The following TAFA3 variants were observed in gnomAD, a reference collection of about 807,000 sequenced individuals.
The protein encoded by TAFA3 is TAFA chemokine like family member 3, also known as chemokine-like protein TAFA-3.
Under a neutral mutation model 20.7 loss-of-function variants are expected in TAFA3, and 17 were observed. That is an observed-to-expected ratio of 0.82 (90% CI 0.56 to 1.23). TAFA3 has a LOEUF of 1.23. Ranked by LOEUF, TAFA3 falls within the 50% of genes most tolerant of loss-of-function variation. TAFA3 has a pLI of 0.00. For synonymous variants in TAFA3, 74 were observed against 71.8 expected, an observed-to-expected ratio of 1.03 and a Z score of -0.16; for missense variants, 174 against 172.8, an observed-to-expected ratio of 1.01 and a Z score of -0.04.
intron 2 of TAFA3, among the ~76,000 whole-genome samples, chr1:112,721,929 C>T (rs1675338188): frequency 6.6e-6 from 1 of 152,178 alleles, no homozygotes; most frequent in South Asian, 2.1e-4. Flanking sequence ...GTGCTGGAAC[C>T]AAGCACTCAA....
chr1:112,720,065 A>T (rs1675293063), intron 1 of TAFA3, among the ~76,000 whole-genome samples: 1 of 152,124 alleles, frequency 6.6e-6, no homozygotes, highest in South Asian at 2.1e-4. Flanking sequence ...TCCCCATTCC[A>T]GCCCTCTGGT....
chr1:112,725,408 A>C (rs1027501436), intron 5 of TAFA3, among the ~76,000 whole-genome samples: 5 of 151,994 alleles, frequency 3.3e-5, no homozygotes, highest in African/African-American at 7.3e-5. Flanking sequence ...AAAAAAAAAA[A>C]AAAAAAACAT....
intron 3 of TAFA3, 27 bp from the exon 4 acceptor site, chr1:112,722,989 C>G (rs376527029): frequency 3.4e-4 from 546 of 1,588,866 alleles, no homozygotes; most frequent in Non-Finnish European, 4.4e-4. Context: ...GCGTGTTGGG[C>G]GTCTGATCCT....
In TAFA3 at chr1:112,726,615, C is replaced by T. The variant is rs757126704; in HGVS notation, c.391-14C>T. ...ATTCCCTTCTCTAACCTTACCCTCT[C>T]GCTTCTTCACCAGGTCACACGATAG... On this transcript the variant is annotated splice_polypyrimidine_tract_variant and intron_variant, in intron 5 of 5. Transcript: ENST00000361886. The T allele has an allele frequency of 1.7e-4, 270 of 1,613,674 alleles. No homozygotes were observed. Among genetic ancestry groups the T allele is most frequent in the Non-Finnish European group, 1.7e-4 (197 of 1,179,824 alleles).
chr1:112,722,129 T>TCCCCATCTTTGTGCCTCCC, intron 2 of TAFA3, 104 bp from the exon 3 acceptor site: 1 of 1,186,178 alleles, frequency 8.4e-7, no homozygotes. Context: ...GTGTGCCTCC[T>TCCCCATCTTTGTGCCTCCC]CCCCATCTTT....
rs1397363122 is a variant in TAFA3, at chr1:112,723,069, C to A, written c.169C>A (p.Arg57=). The change falls in exon 4 of 6, where the codon CGG becomes AGG. Residue 57 remains arginine (R), a synonymous_variant. Transcript: ENST00000361886. ...EVIAAHRCCN[R]NRIEERSQTV... ...GATTGCGGCTCACCGCTGCTGCAACCGGAACCGCATCGAGGAGCGCTCCCA... is the reference window on the plus strand; with the variant it reads ...GATTGCGGCTCACCGCTGCTGCAACAGGAACCGCATCGAGGAGCGCTCCCA... 2 of 1,613,088 alleles carry A rather than the reference C, an allele frequency of 1.2e-6. No individual in the cohort carries two copies. The highest frequency in any genetic ancestry group is 3.3e-4 in the Middle Eastern group (2 of 6,038).
intron 5 of TAFA3, among the ~76,000 whole-genome samples, chr1:112,725,415 AC>A (rs1483935034): frequency 4.0e-5 from 6 of 151,606 alleles, no homozygotes; most frequent in East Asian, 1.9e-4. Context: ...AAAAAAAAAA[AC>A]ATAGTCGAGA....
At chr1:112,722,892 C>A (rs1463855155) in intron 3 of TAFA3, 124 bp from the exon 4 acceptor site, 9 of 1,233,828 alleles carry the variant, frequency 7.3e-6, no homozygotes, top group African/African-American at 1.5e-5. Context: ...TCCTCCCCTG[C>A]CACTGGCAGT....
intron 5 of TAFA3, among the ~76,000 whole-genome samples, chr1:112,724,757 A>G (rs541113001): frequency 1.4e-5 from 2 of 144,250 alleles, no homozygotes; most frequent in African/African-American, 5.1e-5. Context: ...CACAATGTGC[A>G]CATGTACCCT....
chr1:112,722,979 G>A, intron 3 of TAFA3, 37 bp from the exon 4 acceptor site: 2 of 1,581,498 alleles, frequency 1.3e-6, no homozygotes, highest in South Asian at 2.3e-5. Context: ...GCGGGGTCGG[G>A]CGTGTTGGGC....
chr1:112,720,602 T>C lies in TAFA3; in HGVS notation c.-34T>C, dbSNP rs979838540. The stretch of plus-strand genomic sequence containing the variant: ...GTGGAGTGAGTCTGAGGACAGCAGA[T>C]GAACAGACAGAAACTGAAAGATCCC... On this transcript the variant is annotated 5_prime_UTR_variant, in exon 2 of 6. An upstream start codon of the reference 5' UTR is lost. Transcript: ENST00000361886. The C allele has an allele frequency of 3.9e-5, 6 of 152,434 alleles. No individual in the cohort carries two copies. Among genetic ancestry groups the C allele is most frequent in the African/African-American group, 1.4e-4 (6 of 41,446 alleles). The allele number at this position is 152,434 out of a possible 1,614,324, so 9.4% of individuals were successfully genotyped here. A position where few individuals can be genotyped will look rare whatever the true frequency, so the allele number is the denominator to read the frequency against.
In TAFA3 at chr1:112,726,786, A is replaced by G. The variant is rs1445184703; in HGVS notation, c.*146A>G. On this transcript the variant is annotated 3_prime_UTR_variant, in exon 6 of 6. Coordinates refer to ENST00000361886, the MANE Select transcript of TAFA3 (RefSeq NM_182759.3). ...TCAGTCTTTCCGGGGCATTTCAGTT[A>G]AGCTGCTCAGCAGATATGGATGGAT... 7.7e-7 allele frequency: 1 copy of G among 1,291,954 alleles called. No homozygotes were observed. The highest frequency in any genetic ancestry group is 2.4e-5 in the East Asian group (1 of 42,328). The allele number at this position is 1,291,954 out of a possible 1,614,324, so 80.0% of individuals were successfully genotyped here.
chr1:112,719,804 A>G (rs907143604), intron 1 of TAFA3, among the ~76,000 whole-genome samples: 2 of 152,106 alleles, frequency 1.3e-5, no homozygotes, highest in Non-Finnish European at 2.9e-5. Context: ...CATCTAGAAG[A>G]GTGGGAAGCT....
Position 112,722,367 on chromosome 1 carries a change from G to C in TAFA3, c.115+19G>C. On this transcript the variant is annotated intron_variant, in intron 3 of 5. Coordinates refer to ENST00000361886, the MANE Select transcript of TAFA3 (RefSeq NM_182759.3). The stretch of plus-strand genomic sequence containing the variant: ...GCCACAGGTTTGGAGGAGGTGGCAG[G>C]GCCCGGGGAGGGAGTTTCCCAGGAC... 1 of 1,603,806 alleles carries C rather than the reference G, an allele frequency of 6.2e-7. No homozygotes were observed. Among genetic ancestry groups the C allele is most frequent in the Non-Finnish European group, 8.5e-7 (1 of 1,173,698 alleles).
intron 3 of TAFA3, 94 bp downstream of exon 3, chr1:112,722,442 C>T (rs1196421490): frequency 9.4e-7 from 1 of 1,063,516 alleles, no homozygotes; most frequent in African/African-American, 1.6e-5. Context: ...AGGCAGGTCT[C>T]CCAGGCAGAG....
In TAFA3 at chr1:112,726,714, C is replaced by A. The variant is rs753219358; in HGVS notation, c.*74C>A. ...CTGAAGAATGGTATCCAGTCATCAG[C>A]CAGGAAAGATGGGGATTCACTTACA... On this transcript the variant is annotated 3_prime_UTR_variant, in exon 6 of 6. Transcript: ENST00000361886. 19 of 1,610,954 alleles carry A rather than the reference C, an allele frequency of 1.2e-5. No individual in the cohort carries two copies. Among genetic ancestry groups the A allele is most frequent in the Non-Finnish European group, 1.6e-5 (19 of 1,177,398 alleles).
At chr1:112,726,348 A>G (rs1675471988) in intron 5 of TAFA3, among the ~76,000 whole-genome samples, 1 of 152,196 alleles carries the variant, frequency 6.6e-6, no homozygotes, top group African/African-American at 2.4e-5. Flanking sequence ...GACCCACTAC[A>G]GAGCTTGTGA....
intron 5 of TAFA3, among the ~76,000 whole-genome samples, chr1:112,726,001 A>G (rs1292922230): frequency 1.3e-5 from 2 of 152,076 alleles, no homozygotes; most frequent in South Asian, 2.1e-4. Flanking sequence ...GCTGGGCATA[A>G]TGGCACACGC....
rs1188671112 is a variant in TAFA3, at chr1:112,724,130, C to T, written c.383C>T (p.Thr128Ile). 3 of 1,602,290 alleles carry T rather than the reference C, an allele frequency of 1.9e-6. No homozygotes were observed. The highest frequency in any genetic ancestry group is 2.0e-4 in the Middle Eastern group (1 of 5,072). The stretch of plus-strand genomic sequence containing the variant: ...TGCAGCAGTGGACACAAAGTCAAAA[C>T]CACCAAGGTACCCTGGGTGGGCACC... The part of the protein sequence containing the change: ...WSCSSGHKVK[T>I]TKVTR Residue 128 changes from threonine (T) to isoleucine (I), a missense_variant, in exon 5 of 6, where the codon ACC becomes ATC. Coordinates refer to ENST00000361886, the MANE Select transcript of TAFA3 (RefSeq NM_182759.3).
Sources: gnomAD v4.1 joint callset for allele counts (sites outside exome capture counted in the v4.1 genomes callset) on GRCh38, gnomAD v4.1.1 for gene constraint, MANE v1.5 for transcripts, NCBI Gene and HGNC (gene_info 2026-07-23, HGNC 2026-07-21) for gene names.